Variants in SLC20A2 observed in about 807,000 individuals in gnomAD.
The protein encoded by SLC20A2 is sodium-dependent phosphate transporter 2.
A neutral mutation model predicts 61.0 loss-of-function variants in SLC20A2; 30 were observed. That is an observed-to-expected ratio of 0.49 (90% CI 0.37 to 0.67). The LOEUF (loss-of-function observed/expected upper bound fraction) is 0.67. Among genes scored for constraint, SLC20A2 ranks in the 30% least tolerant of loss-of-function variants. The pLI, the probability that SLC20A2 is intolerant of heterozygous loss-of-function variation, is 0.00. For synonymous variants in SLC20A2, 351 were observed against 353.3 expected, an observed-to-expected ratio of 0.99 and a Z score of 0.07; for missense variants, 626 against 866.4, an observed-to-expected ratio of 0.72 and a Z score of 3.48.
At chr8:42,530,188 C>A (rs1287842154) in intron 1 of SLC20A2, among the ~76,000 whole-genome samples, 1 of 152,022 alleles carries the variant, frequency 6.6e-6, no homozygotes, top group East Asian at 1.9e-4. Context: ...GCCAGAGACC[C>A]ATATTTTAAA....
At chr8:42,426,096 TC>T (rs1803394611) in intron 10 of SLC20A2, among the ~76,000 whole-genome samples, 1 of 152,138 alleles carries the variant, frequency 6.6e-6, no homozygotes, top group African/African-American at 2.4e-5. Flanking sequence ...AACATATACA[TC>T]TATTCACTAA....
exon 1 of SLC20A2, chr8:42,541,824 C>A (rs1813217767): frequency 6.6e-6 from 1 of 151,368 alleles, no homozygotes; most frequent in Non-Finnish European, 1.5e-5. Flanking sequence ...CGCCCGCCTG[C>A]CCTCGGTCCC....
chr8:42,511,022 T>C (rs1487697392), intron 1 of SLC20A2, among the ~76,000 whole-genome samples: 2 of 152,020 alleles, frequency 1.3e-5, no homozygotes, highest in Non-Finnish European at 2.9e-5. Context: ...GGGCTTTAGG[T>C]CCCCTTGCTA....
exon 1 of SLC20A2, chr8:42,541,829 GGTCCC>G (rs1245489361): frequency 2.0e-5 from 3 of 151,106 alleles, no homozygotes; most frequent in Admixed American, 1.3e-4. Flanking sequence ...GCCTGCCCTC[GGTCCC>G]GTGCGGTCCC....
At chr8:42,526,622 G>A (rs756480402) in intron 1 of SLC20A2, among the ~76,000 whole-genome samples, 6 of 149,884 alleles carry the variant, frequency 4.0e-5, no homozygotes, top group East Asian at 2.0e-4. Context: ...GCAGTGAGCC[G>A]AGATCGCGCC....
intron 1 of SLC20A2, among the ~76,000 whole-genome samples, chr8:42,491,675 A>G (rs1170062152): frequency 6.6e-6 from 1 of 152,094 alleles, no homozygotes; most frequent in Non-Finnish European, 1.5e-5. Context: ...CATCTCAAAA[A>G]AAAAAAAGTC....
intron 2 of SLC20A2, among the ~76,000 whole-genome samples, chr8:42,467,036 G>A (rs1807227439): frequency 6.6e-6 from 1 of 151,930 alleles, no homozygotes; most frequent in Admixed American, 6.6e-5. Flanking sequence ...TTGAACTCCT[G>A]GGCTCAAGCC....
chr8:42,538,643 A>G (rs138369907), intron 1 of SLC20A2, among the ~76,000 whole-genome samples: 318 of 152,344 alleles, frequency 2.1e-3, no homozygotes, highest in Non-Finnish European at 3.6e-3. Context: ...AAAGACAATG[A>G]GTGAAACAGA....
chr8:42,447,625 C>A (rs896536690), intron 5 of SLC20A2, among the ~76,000 whole-genome samples: 3 of 150,958 alleles, frequency 2.0e-5, no homozygotes, highest in African/African-American at 2.4e-5. Context: ...TGCAGTGAGC[C>A]AAGATCACGC....
intron 5 of SLC20A2, among the ~76,000 whole-genome samples, chr8:42,458,665 TG>T (rs1806401251): frequency 1.3e-5 from 2 of 150,642 alleles, no homozygotes. Context: ...CCCAGCACTT[TG>T]GGAGGCCAAG....
At chr8:42,466,881 G>A (rs913861133) in intron 2 of SLC20A2, among the ~76,000 whole-genome samples, 1 of 152,022 alleles carries the variant, frequency 6.6e-6, no homozygotes, top group Non-Finnish European at 1.5e-5. Context: ...TGTTACCCAG[G>A]CTGGTTTGGA....
chr8:42,442,719 C>T (rs1485929712), intron 6 of SLC20A2, among the ~76,000 whole-genome samples: 1 of 152,190 alleles, frequency 6.6e-6, no homozygotes, highest in African/African-American at 2.4e-5. Context: ...TTGTCTAAAT[C>T]TACAAAATAT....
At chr8:42,434,020 C>CT (rs368008280) in intron 8 of SLC20A2, among the ~76,000 whole-genome samples, 3,551 of 149,526 alleles carry the variant, frequency 0.024, 57 homozygotes, top group African/African-American at 0.038. Flanking sequence ...ACACTTGTTA[C>CT]TTTTTTTTTT....
intron 2 of SLC20A2, chr8:42,471,166 G>A (rs993479875): frequency 8.8e-6 from 4 of 455,930 alleles, no homozygotes; most frequent in East Asian, 6.9e-5. Context: ...CAAATTACCC[G>A]TATACATCAG....
At chr8:42,475,314 G>A (rs1807985380) in intron 1 of SLC20A2, among the ~76,000 whole-genome samples, 7 of 152,002 alleles carry the variant, frequency 4.6e-5, no homozygotes, top group Admixed American at 4.6e-4. Context: ...TGCCCAGGCT[G>A]GTCTCAAACT....
At chr8:42,540,415 G>A (rs539773953) in intron 1 of SLC20A2, among the ~76,000 whole-genome samples, 17 of 152,208 alleles carry the variant, frequency 1.1e-4, no homozygotes, top group African/African-American at 3.9e-4. Flanking sequence ...GCACAGGCCC[G>A]GCAAACAATC....
chr8:42,537,548 A>G (rs1249758146), intron 1 of SLC20A2: 1 of 152,172 alleles, frequency 6.6e-6, no homozygotes, highest in African/African-American at 2.4e-5. Context: ...ATATTATTTT[A>G]TTTGGCATAA....
At chr8:42,458,968 C>G (rs764459239) in intron 5 of SLC20A2, among the ~76,000 whole-genome samples, 2 of 116,054 alleles carry the variant, frequency 1.7e-5, no homozygotes, top group Non-Finnish European at 3.4e-5. Context: ...AACCTCTGAA[C>G]CTTTATACAA....
intron 1 of SLC20A2, among the ~76,000 whole-genome samples, chr8:42,516,928 C>T (rs977143320): frequency 5.3e-5 from 8 of 152,208 alleles, no homozygotes; most frequent in South Asian, 2.1e-4. Flanking sequence ...ACAGAGATGC[C>T]TCACATAAGC....
Sources: allele counts gnomAD v4.1 joint callset (sites outside exome capture counted in the v4.1 genomes callset), GRCh38; gene constraint gnomAD v4.1.1; transcripts MANE v1.5; gene names NCBI Gene and HGNC (gene_info 2026-07-23, HGNC 2026-07-21).